PDE7B: variants seen among roughly 807,000 people sequenced by gnomAD.
The protein encoded by PDE7B is phosphodiesterase 7B, also known as 3',5'-cyclic-AMP phosphodiesterase 7B.
A neutral mutation model predicts 56.2 loss-of-function variants in PDE7B; 29 were observed. That is an observed-to-expected ratio of 0.52 (90% confidence interval 0.38 to 0.70). The LOEUF is 0.70. Among genes scored for constraint, PDE7B ranks in the 30% least tolerant of loss-of-function variants. The probability of loss-of-function intolerance (pLI) is 0.00; values close to 1 mark genes in which losing one functional copy is unlikely to be tolerated. For missense variants in PDE7B, 490 were observed against 565.0 expected (o/e 0.87, Z 1.35); for synonymous variants, 197 against 196.9 (o/e 1.00, Z 0.00).
chr6:136,007,724 T>C (rs1775813380), intron 2 of PDE7B, among the ~76,000 whole-genome samples: 1 of 152,070 alleles, frequency 6.6e-6, no homozygotes. Context: ...CAGCAATTTA[T>C]TCATCTCTTC....
At chr6:135,926,571 G>A (rs939397081) in intron 1 of PDE7B, among the ~76,000 whole-genome samples, 11 of 152,030 alleles carry the variant, frequency 7.2e-5, no homozygotes, top group Non-Finnish European at 2.9e-5. Context: ...GGTATAGGGA[G>A]AGCACTTTTC....
intron 1 of PDE7B, among the ~76,000 whole-genome samples, chr6:135,938,475 C>T (rs545156040): frequency 1.3e-5 from 2 of 152,164 alleles, no homozygotes; most frequent in Non-Finnish European, 2.9e-5. Flanking sequence ...TCCCAAAGTA[C>T]CTTGAACTGA....
At chr6:135,961,980 A>G (rs1385733153) in intron 2 of PDE7B, among the ~76,000 whole-genome samples, 2 of 152,132 alleles carry the variant, frequency 1.3e-5, no homozygotes, top group Non-Finnish European at 2.9e-5. Context: ...CTGTGATGTA[A>G]ACTGTGGATT....
intron 1 of PDE7B, among the ~76,000 whole-genome samples, chr6:135,880,782 A>AT (rs1236193727): frequency 6.6e-6 from 1 of 152,164 alleles, no homozygotes; most frequent in Non-Finnish European, 1.5e-5. Flanking sequence ...AATAATTTCC[A>AT]TTTGGGGCTG....
chr6:136,071,725 C>T (rs1004079345), intron 2 of PDE7B, among the ~76,000 whole-genome samples: 1 of 152,044 alleles, frequency 6.6e-6, no homozygotes, highest in Non-Finnish European at 1.5e-5. Flanking sequence ...GCCAAAAGTT[C>T]GAGGCTTCAC....
Position 135,935,216 on chromosome 6 carries a change from A to T in PDE7B, c.22-12248A>T, listed in dbSNP as rs1460605965. Among the ~76,000 whole-genome samples the T allele has an allele frequency of 2.9e-4, 28 of 96,594 alleles. 3 individuals are homozygous for T. The East Asian group carries it at 3.4e-3, about 12-fold the overall frequency. 63.4% of individuals were successfully genotyped at this position (96,594 alleles called of 152,430 possible). ...TATATATATATATATATATATATAT[A>T]TTTTCATGATTCTTGCTCTCCAGGA... On this transcript the variant is annotated intron_variant, in intron 1 of 12. Transcript: ENST00000308191.
intron 8 of PDE7B, among the ~76,000 whole-genome samples, chr6:136,169,657 C>A (rs1307596213): frequency 6.6e-6 from 1 of 152,156 alleles, no homozygotes; most frequent in Non-Finnish European, 1.5e-5. Flanking sequence ...TTGAATTAGT[C>A]TTGCAAGTGA....
chr6:136,173,990 C>A, intron 9 of PDE7B, 102 bp downstream of exon 9: 1 of 794,028 alleles, frequency 1.3e-6, no homozygotes. Context: ...GCAGAGAGCC[C>A]CCCGGCTGTA....
At chr6:136,126,012 C>T (rs941738510) in intron 3 of PDE7B, among the ~76,000 whole-genome samples, 6 of 152,088 alleles carry the variant, frequency 3.9e-5, no homozygotes, top group African/African-American at 1.4e-4. Context: ...TTTTAATACA[C>T]AAGAAATACA....
At chr6:135,920,907 A>G (rs1253097633) in intron 1 of PDE7B, among the ~76,000 whole-genome samples, 1 of 152,230 alleles carries the variant, frequency 6.6e-6, no homozygotes, top group East Asian at 1.9e-4. Context: ...CGGGATTTCA[A>G]CCGAACTTTA....
At position 136,192,746 on chromosome 6, in the gene PDE7B, G is replaced by T. The variant is rs753124648; in HGVS notation, c.*906G>T. 1 of 152,606 alleles carries T rather than the reference G, an allele frequency of 6.6e-6. No individual in the cohort carries two copies. The highest frequency in any genetic ancestry group is 1.5e-5 in the Non-Finnish European group (1 of 68,026). The allele number at this position is 152,606 out of a possible 1,614,324, so 9.5% of individuals were successfully genotyped here. A position where few individuals can be genotyped will look rare whatever the true frequency, so the allele number is the denominator to read the frequency against. On this transcript the variant is annotated 3_prime_UTR_variant, in exon 13 of 13. Transcript: ENST00000308191. ...ACTGTTAGTTTTAATACAAGAGAAT[G>T]CATTTGTAAATATGGTATAGAGTTT... is the stretch of plus-strand genomic sequence containing the variant.
intron 2 of PDE7B, among the ~76,000 whole-genome samples, chr6:135,973,362 T>C (rs1775127465): frequency 6.6e-6 from 1 of 151,910 alleles, no homozygotes; most frequent in Admixed American, 6.6e-5. Context: ...ATATTTTATT[T>C]TTCCATTCAT....
chr6:135,997,137 G>T (rs563409923), intron 2 of PDE7B, among the ~76,000 whole-genome samples: 3 of 151,748 alleles, frequency 2.0e-5, no homozygotes, highest in African/African-American at 7.3e-5. Flanking sequence ...CAAGAAGCAG[G>T]CTGGGCACAA....
chr6:135,999,627 T>G (rs1483300515), intron 2 of PDE7B, among the ~76,000 whole-genome samples: 2 of 152,220 alleles, frequency 1.3e-5, no homozygotes, highest in East Asian at 3.8e-4. Flanking sequence ...TATTCCATTA[T>G]GTATATATAC....
At chr6:136,127,975 G>A (rs899566318) in intron 3 of PDE7B, among the ~76,000 whole-genome samples, 14 of 152,128 alleles carry the variant, frequency 9.2e-5, no homozygotes, top group African/African-American at 3.4e-4. Context: ...TTCTGGATGG[G>A]CTCCAAATAG....
intron 3 of PDE7B, among the ~76,000 whole-genome samples, chr6:136,144,035 A>G (rs1312317077): frequency 6.6e-6 from 1 of 152,096 alleles, no homozygotes; most frequent in Non-Finnish European, 1.5e-5. Flanking sequence ...AAAAAAAGGA[A>G]AAGATCATCT....
intron 8 of PDE7B, among the ~76,000 whole-genome samples, chr6:136,164,122 A>G (rs1778755697): frequency 6.6e-6 from 1 of 152,200 alleles, no homozygotes; most frequent in Non-Finnish European, 1.5e-5. Flanking sequence ...TGGGTAATTT[A>G]TAAAGGAAAG....
chr6:136,179,903 G>A (rs1437346955), intron 10 of PDE7B, among the ~76,000 whole-genome samples: 6 of 152,200 alleles, frequency 3.9e-5, no homozygotes, highest in Admixed American at 6.5e-5. Flanking sequence ...TTTACTCCAC[G>A]GCAAGAAGCC....
chr6:136,054,564 T>C (rs1365415401), intron 2 of PDE7B, among the ~76,000 whole-genome samples: 6 of 152,188 alleles, frequency 3.9e-5, no homozygotes, highest in Admixed American at 2.0e-4. Context: ...ATATGAACTT[T>C]AAAGTAGTTT....
Sources: gnomAD v4.1 joint callset for allele counts (sites outside exome capture counted in the v4.1 genomes callset) on GRCh38, gnomAD v4.1.1 for gene constraint, MANE v1.5 for transcripts, NCBI Gene and HGNC (gene_info 2026-07-23, HGNC 2026-07-21) for gene names.